The following UST variants were observed in gnomAD, a reference collection of about 807,000 sequenced individuals.
UST encodes the protein chondroitin sulfate 2-O-sulfotransferase.
In UST, 21 loss-of-function variants were observed where a neutral mutation model predicts 45.6. The observed-to-expected ratio is 0.46, with a 90% CI of 0.33 to 0.66. UST has a LOEUF of 0.66. UST is among the 30% of genes least tolerant of loss of function. The pLI is 0.02. For synonymous variants in UST, 215 were observed against 200.6 expected, an observed-to-expected ratio of 1.07 and a Z score of -0.61; for missense variants, 463 against 512.4, an observed-to-expected ratio of 0.90 and a Z score of 0.93.
chr6:148,791,796 G>A (rs191830157), intron 1 of UST, among the ~76,000 whole-genome samples: 10 of 152,250 alleles, frequency 6.6e-5, no homozygotes, highest in Admixed American at 5.2e-4. Flanking sequence ...TAGCTTTCCT[G>A]TTTTCTTCTT....
intron 1 of UST, among the ~76,000 whole-genome samples, chr6:148,820,148 C>G (rs1301647208): frequency 6.6e-6 from 1 of 152,116 alleles, no homozygotes; most frequent in Non-Finnish European, 1.5e-5. Context: ...TTGAGGATAT[C>G]GACATACTAA....
intron 2 of UST, among the ~76,000 whole-genome samples, chr6:148,940,324 C>T (rs1254229303): frequency 7.1e-6 from 1 of 140,486 alleles, no homozygotes; most frequent in Non-Finnish European, 1.6e-5. Flanking sequence ...CTGTCTCTAC[C>T]AAAAAAAAAA....
chr6:148,784,000 A>G (rs187817623), intron 1 of UST, among the ~76,000 whole-genome samples: 44 of 152,292 alleles, frequency 2.9e-4, no homozygotes, highest in African/African-American at 9.9e-4. Flanking sequence ...TTCTCTGCCT[A>G]TGAGTTTTCC....
chr6:148,886,889 A>G (rs1450141135), intron 1 of UST, 97 bp from the exon 2 acceptor site: 2 of 1,024,762 alleles, frequency 2.0e-6, no homozygotes, highest in Non-Finnish European at 3.1e-6. Flanking sequence ...CTGAGCAGAA[A>G]TACTGTATAA....
chr6:149,016,971 T>C (rs1409903041), intron 5 of UST, among the ~76,000 whole-genome samples: 1 of 152,152 alleles, frequency 6.6e-6, no homozygotes, highest in Non-Finnish European at 1.5e-5. Context: ...CACCCTCAAA[T>C]GTGAGCAGGG....
At chr6:148,992,700 A>G (rs1207419018) in intron 5 of UST, among the ~76,000 whole-genome samples, 1 of 152,194 alleles carries the variant, frequency 6.6e-6, no homozygotes, top group Non-Finnish European at 1.5e-5. Context: ...TAAAAATCTC[A>G]GTAGAAAATA....
At chr6:149,048,523 G>C (rs1776426101) in intron 7 of UST, among the ~76,000 whole-genome samples, 1 of 117,556 alleles carries the variant, frequency 8.5e-6, no homozygotes, top group African/African-American at 4.0e-5. Context: ...GCAATAGAGT[G>C]AGACTGTCTC....
At chr6:148,775,975 G>A (rs7753027) in intron 1 of UST, among the ~76,000 whole-genome samples, 145,691 of 152,260 alleles carry the variant, frequency 0.96, 69,863 homozygotes, top group African/African-American at 0.99. Context: ...AGAACAGGAC[G>A]TATATATTTG....
intron 2 of UST, among the ~76,000 whole-genome samples, chr6:148,924,692 C>T (rs1779779441): frequency 6.6e-6 from 1 of 152,082 alleles, no homozygotes; most frequent in Admixed American, 6.5e-5. Flanking sequence ...CTGGACTTCC[C>T]AGGAACACAT....
chr6:148,792,231 C>A (rs1263780273), intron 1 of UST, among the ~76,000 whole-genome samples: 1 of 152,174 alleles, frequency 6.6e-6, no homozygotes, highest in African/African-American at 2.4e-5. Flanking sequence ...AAAATAGTTT[C>A]TATCCTTGAA....
At chr6:148,780,292 T>A (rs77139823) in intron 1 of UST, among the ~76,000 whole-genome samples, 2 of 152,174 alleles carry the variant, frequency 1.3e-5, no homozygotes, top group Non-Finnish European at 2.9e-5. Flanking sequence ...TTTTTAAAAC[T>A]TTTATTTTAG....
chr6:149,046,534 G>C (rs1294316130), intron 7 of UST, among the ~76,000 whole-genome samples: 1 of 152,236 alleles, frequency 6.6e-6, no homozygotes, highest in African/African-American at 2.4e-5. Flanking sequence ...GCAGTCAGTA[G>C]ACATGGGTTT....
At chr6:148,888,179 T>C (rs1007511609) in intron 2 of UST, among the ~76,000 whole-genome samples, 2 of 152,146 alleles carry the variant, frequency 1.3e-5, no homozygotes, top group Admixed American at 6.5e-5. Context: ...GCATCTTACG[T>C]GGCCAGAGCA....
At chr6:149,009,370 G>A (rs1177565671) in intron 5 of UST, among the ~76,000 whole-genome samples, 1 of 151,964 alleles carries the variant, frequency 6.6e-6, no homozygotes, top group African/African-American at 2.4e-5. Flanking sequence ...AGAAAATGAA[G>A]GAGAGAAGAT....
intron 1 of UST, among the ~76,000 whole-genome samples, chr6:148,765,825 G>T (rs765073647): frequency 6.6e-6 from 1 of 152,104 alleles, no homozygotes; most frequent in Admixed American, 6.6e-5. Context: ...CCCTCCGTTC[G>T]GGGTCCCTGA....
intron 1 of UST, among the ~76,000 whole-genome samples, chr6:148,875,342 T>A (rs935020927): frequency 6.6e-6 from 1 of 152,180 alleles, no homozygotes; most frequent in African/African-American, 2.4e-5. Flanking sequence ...TTCAGATAAT[T>A]GGAAAAAATT....
At chr6:148,890,625 G>A (rs1433457887) in intron 2 of UST, among the ~76,000 whole-genome samples, 2 of 152,096 alleles carry the variant, frequency 1.3e-5, no homozygotes, top group African/African-American at 4.8e-5. Context: ...TAGCCATTTA[G>A]GGAATGGGGT....
chr6:149,065,335 T>C (rs1212489979), intron 7 of UST, among the ~76,000 whole-genome samples: 1 of 152,214 alleles, frequency 6.6e-6, no homozygotes, highest in Non-Finnish European at 1.5e-5. Context: ...GGATGGAAAG[T>C]CTGGCATTTT....
intron 1 of UST, among the ~76,000 whole-genome samples, chr6:148,810,567 A>G (rs1015245775): frequency 6.6e-5 from 10 of 152,254 alleles, no homozygotes; most frequent in African/African-American, 2.4e-4. Context: ...CCATCCTGCT[A>G]TTTGGCTCTG....
Sources: allele counts gnomAD v4.1 joint callset (sites outside exome capture counted in the v4.1 genomes callset), GRCh38; gene constraint gnomAD v4.1.1; transcripts MANE v1.5; gene names NCBI Gene and HGNC (gene_info 2026-07-23, HGNC 2026-07-21).